MACROD2: variants seen among roughly 807,000 people sequenced by gnomAD.
MACROD2 encodes the protein ADP-ribose glycohydrolase MACROD2.
In MACROD2, 36 loss-of-function variants were observed where a neutral mutation model predicts 70.4. The observed-to-expected ratio is 0.51, with a 90% CI of 0.39 to 0.68. The LOEUF is 0.68. MACROD2 is among the 30% of genes least tolerant of loss of function. MACROD2 has a pLI of 0.00. For synonymous variants in MACROD2, 172 were observed against 178.8 expected (o/e 0.96, Z 0.30); for missense variants, 496 against 538.4 (o/e 0.92, Z 0.78).
intron 5 of MACROD2, among the ~76,000 whole-genome samples, chr20:15,090,954 T>C (rs1028875704): frequency 1.3e-5 from 2 of 152,006 alleles, no homozygotes; most frequent in Admixed American, 6.6e-5. Flanking sequence ...CTCTAATCAA[T>C]GGAGTCCACC....
chr20:15,623,768 T>A (rs1278324185), intron 8 of MACROD2, among the ~76,000 whole-genome samples: 2 of 152,138 alleles, frequency 1.3e-5, no homozygotes, highest in African/African-American at 2.4e-5. Flanking sequence ...CCTATCTATC[T>A]ATGTGTCTAT....
intron 4 of MACROD2, among the ~76,000 whole-genome samples, chr20:14,678,942 A>G (rs1171999902): frequency 6.6e-6 from 1 of 151,674 alleles, no homozygotes; most frequent in African/African-American, 2.4e-5. Flanking sequence ...CCATTTCCTC[A>G]GTATTATCAG....
At chr20:15,735,051 C>T (rs2051000471) in intron 8 of MACROD2, among the ~76,000 whole-genome samples, 1 of 152,050 alleles carries the variant, frequency 6.6e-6, no homozygotes, top group African/African-American at 2.4e-5. Context: ...ACCTCCACCT[C>T]CCAGGTTCAG....
intron 2 of MACROD2, among the ~76,000 whole-genome samples, chr20:14,014,835 C>T (rs571414540): frequency 1.3e-5 from 2 of 151,982 alleles, no homozygotes; most frequent in African/African-American, 4.8e-5. Context: ...TAGGGTCTTG[C>T]TGTTGCCCAG....
chr20:14,313,255 CTTGCG>C (rs2082582159), intron 3 of MACROD2, among the ~76,000 whole-genome samples: 1 of 152,132 alleles, frequency 6.6e-6, no homozygotes. Context: ...TTGGTGAATA[CTTGCG>C]TATTTTGTGA....
chr20:15,577,178 GCAAT>G (rs1455343950), intron 8 of MACROD2, among the ~76,000 whole-genome samples: 2 of 151,842 alleles, frequency 1.3e-5, no homozygotes, highest in African/African-American at 4.8e-5. Context: ...GTCTTCAGAA[GCAAT>G]CACTCTTTTT....
At chr20:14,941,427 G>T (rs2074388780) in intron 5 of MACROD2, among the ~76,000 whole-genome samples, 1 of 152,026 alleles carries the variant, frequency 6.6e-6, no homozygotes, top group Non-Finnish European at 1.5e-5. Context: ...AACCCAATAT[G>T]GTAAGGAAGT....
At chr20:14,474,453 G>A (rs141603165) in intron 3 of MACROD2, among the ~76,000 whole-genome samples, 18 of 152,264 alleles carry the variant, frequency 1.2e-4, no homozygotes, top group African/African-American at 3.8e-4. Context: ...TTCTACAGAT[G>A]TTGGAATGTT....
At chr20:14,300,018 T>C (rs1430853599) in intron 3 of MACROD2, among the ~76,000 whole-genome samples, 1 of 152,198 alleles carries the variant, frequency 6.6e-6, no homozygotes, top group Non-Finnish European at 1.5e-5. Context: ...GCCTTGGAGC[T>C]GACAGTACAA....
At chr20:15,748,550 T>A (rs1392310163) in intron 8 of MACROD2, among the ~76,000 whole-genome samples, 5 of 152,110 alleles carry the variant, frequency 3.3e-5, no homozygotes, top group Non-Finnish European at 5.9e-5. Context: ...AAGGAAGTGT[T>A]TCTTATAAGA....
At chr20:14,418,712 A>C (rs1055999152) in intron 3 of MACROD2, among the ~76,000 whole-genome samples, 2 of 152,220 alleles carry the variant, frequency 1.3e-5, no homozygotes, top group Non-Finnish European at 2.9e-5. Context: ...TCTGACTTTA[A>C]CACATGGAAC....
intron 8 of MACROD2, among the ~76,000 whole-genome samples, chr20:15,546,702 T>C (rs1354946310): frequency 6.6e-6 from 1 of 152,194 alleles, no homozygotes; most frequent in African/African-American, 2.4e-5. Context: ...GAAACATGCT[T>C]CCTTTTGATG....
At chr20:14,059,896 A>T (rs1601171919) in intron 2 of MACROD2, among the ~76,000 whole-genome samples, 1 of 152,322 alleles carries the variant, frequency 6.6e-6, no homozygotes, top group African/African-American at 2.4e-5. Context: ...TGAGGAGGTG[A>T]CATTTGAATT....
intron 2 of MACROD2, among the ~76,000 whole-genome samples, chr20:14,057,245 A>T (rs1265771293): frequency 1.3e-5 from 2 of 152,168 alleles, no homozygotes; most frequent in Non-Finnish European, 2.9e-5. Context: ...AGGACACACA[A>T]CTCACAGGTA....
intron 15 of MACROD2, among the ~76,000 whole-genome samples, chr20:16,004,633 T>G (rs1185389897): frequency 6.6e-6 from 1 of 152,248 alleles, no homozygotes; most frequent in Admixed American, 6.5e-5. Flanking sequence ...TGCCTTTATC[T>G]CGGCTGTTTG....
At chr20:15,153,897 A>AT (rs2076288844) in intron 5 of MACROD2, among the ~76,000 whole-genome samples, 1 of 152,076 alleles carries the variant, frequency 6.6e-6, no homozygotes, top group Admixed American at 6.5e-5. Context: ...TTCCAGAAGG[A>AT]TTTTTTATAC....
At chr20:14,064,435 C>A (rs987416608) in intron 2 of MACROD2, among the ~76,000 whole-genome samples, 1 of 152,112 alleles carries the variant, frequency 6.6e-6, no homozygotes, top group Non-Finnish European at 1.5e-5. Context: ...TGTAACATAT[C>A]CAGGACTGAC....
chr20:15,322,092 C>T (rs2077879700), intron 6 of MACROD2, among the ~76,000 whole-genome samples: 1 of 143,928 alleles, frequency 6.9e-6, no homozygotes, highest in South Asian at 2.3e-4. Context: ...CACCCGGCCA[C>T]TACACACAGT....
chr20:14,753,948 T>C (rs901096580), intron 5 of MACROD2, among the ~76,000 whole-genome samples: 6 of 152,092 alleles, frequency 3.9e-5, no homozygotes, highest in African/African-American at 1.4e-4. Flanking sequence ...AGGAAATATG[T>C]GGCAAAAATA....
Sources: allele counts gnomAD v4.1 joint callset (sites outside exome capture counted in the v4.1 genomes callset), GRCh38; gene constraint gnomAD v4.1.1; transcripts MANE v1.5; gene names NCBI Gene and HGNC (gene_info 2026-07-23, HGNC 2026-07-21).